Variants in RBPMS2 observed in about 807,000 individuals in gnomAD.
RBPMS2 encodes RNA binding protein, mRNA processing factor 2.
Under a neutral mutation model 25.7 loss-of-function variants are expected in RBPMS2, and 14 were observed. The observed-to-expected ratio is 0.55, with a 90% CI of 0.36 to 0.85. The LOEUF (loss-of-function observed/expected upper bound fraction) is 0.85. RBPMS2 is among the 40% of genes least tolerant of loss of function. The pLI, the probability that RBPMS2 is intolerant of heterozygous loss-of-function variation, is 0.01. For synonymous variants in RBPMS2, 127 were observed against 115.6 expected (o/e 1.10, Z -0.63); for missense variants, 252 against 283.4 (o/e 0.89, Z 0.80).
chr15:64,753,047 T>A (rs1044489481), intron 1 of RBPMS2, among the ~76,000 whole-genome samples: 1 of 152,162 alleles, frequency 6.6e-6, no homozygotes, highest in Non-Finnish European at 1.5e-5. Flanking sequence ...CAAGCCCTGA[T>A]CAGCCAAAAA....
intron 1 of RBPMS2, chr15:64,761,055 T>C (rs2083779980): frequency 6.6e-6 from 1 of 151,932 alleles, no homozygotes. Flanking sequence ...AAAAAGACTT[T>C]TGCAGCAACC....
In RBPMS2 at chr15:64,749,463, C is replaced by T; in HGVS notation, c.235G>A (p.Ala79Thr). The T allele has an allele frequency of 1.9e-6, 3 of 1,613,548 alleles. No individual in the cohort carries two copies. Among genetic ancestry groups the T allele is most frequent in the South Asian group, 1.1e-5 (1 of 91,042 alleles). The change falls in exon 4 of 8, where the codon GCA (alanine) becomes ACA (threonine). Residue 79 changes from alanine (A) to threonine (T), a missense_variant. Coordinates refer to ENST00000300069, the MANE Select transcript of RBPMS2 (RefSeq NM_194272.3). ...GCATTCTTGGCCGCTTCTGCTCCTG[C>T]ACGGCTGTCAAAGATCACAAAACCA... Reference protein sequence around the residue: ...PVGFVIFDSRAGAEAAKNALN... With the variant: ...PVGFVIFDSRTGAEAAKNALN...
intron 1 of RBPMS2, among the ~76,000 whole-genome samples, chr15:64,760,673 C>A (rs187618362): frequency 6.6e-6 from 1 of 151,932 alleles, no homozygotes; most frequent in African/African-American, 2.4e-5. Flanking sequence ...TGGTAGCGCA[C>A]GCCTGTAATC....
chr15:64,757,201 G>C (rs1205901825), intron 1 of RBPMS2, among the ~76,000 whole-genome samples: 1 of 151,462 alleles, frequency 6.6e-6, no homozygotes, highest in Non-Finnish European at 1.5e-5. Flanking sequence ...TGAACTCCTG[G>C]GCTCAGAGAA....
intron 6 of RBPMS2, among the ~76,000 whole-genome samples, chr15:64,744,558 CAA>C (rs35132500): frequency 4.0e-5 from 5 of 125,884 alleles, no homozygotes; most frequent in Non-Finnish European, 6.4e-5. Context: ...AACTCTGTCT[CAA>C]AAAAAAAAAA....
chr15:64,749,323 G>T, intron 4 of RBPMS2, 108 bp downstream of exon 4: 2 of 1,311,362 alleles, frequency 1.5e-6, no homozygotes, highest in Non-Finnish European at 1.1e-6. Flanking sequence ...GGCACAGACA[G>T]TGTCGCCAAG....
intron 1 of RBPMS2, among the ~76,000 whole-genome samples, chr15:64,764,115 G>A (rs1184246475): frequency 6.6e-6 from 1 of 152,212 alleles, no homozygotes; most frequent in Non-Finnish European, 1.5e-5. Flanking sequence ...CAGGGGCCAG[G>A]ACTTGGCTTT....
chr15:64,772,466 T>A (rs1454031715), intron 1 of RBPMS2, among the ~76,000 whole-genome samples: 1 of 151,842 alleles, frequency 6.6e-6, no homozygotes, highest in African/African-American at 2.4e-5. Context: ...TTCGAACACA[T>A]CTTCCCAAGT....
rs79574137 is a variant in RBPMS2 at position 64,770,796 on chromosome 15, G to A, written c.87+4437C>T. Among the ~76,000 whole-genome samples, 691 of 146,392 alleles carry A rather than the reference G, an allele frequency of 4.7e-3. 4 individuals are homozygous for A. The highest frequency in any genetic ancestry group is 7.6e-3 in the Non-Finnish European group (507 of 66,722). On this transcript the variant is annotated intron_variant, in intron 1 of 7. Transcript: ENST00000300069. ...CCCCACCTCCCACACCCCCCTCCCC[G>A]TTCCATCCACACAAGTCTAAGCACC...
At chr15:64,743,178 C>G (rs1408610118) in intron 6 of RBPMS2, among the ~76,000 whole-genome samples, 1 of 152,226 alleles carries the variant, frequency 6.6e-6, no homozygotes, top group East Asian at 1.9e-4. Context: ...CAGGGCCGGA[C>G]AAGGGGAGAA....
intron 1 of RBPMS2, among the ~76,000 whole-genome samples, chr15:64,770,795 C>T (rs779709512): frequency 1.3e-4 from 20 of 152,238 alleles, no homozygotes; most frequent in Middle Eastern, 6.8e-3. Context: ...CCCCCCTCCC[C>T]GTTCCATCCA....
At chr15:64,768,569 C>G (rs1467793689) in intron 1 of RBPMS2, among the ~76,000 whole-genome samples, 1 of 151,764 alleles carries the variant, frequency 6.6e-6, no homozygotes, top group African/African-American at 2.4e-5. Context: ...ACCCAAGAGG[C>G]AGAGATTGCA....
At chr15:64,759,985 G>A (rs565340532) in intron 1 of RBPMS2, among the ~76,000 whole-genome samples, 116 of 152,340 alleles carry the variant, frequency 7.6e-4, no homozygotes, top group African/African-American at 2.6e-3. Flanking sequence ...CTCGGCCTGT[G>A]TCTATCAGCT....
At chr15:64,751,958 CTTTTTTTTTTTCTT>C (rs1458895307) in intron 1 of RBPMS2, among the ~76,000 whole-genome samples, 1 of 144,068 alleles carries the variant, frequency 6.9e-6, no homozygotes, top group Non-Finnish European at 1.5e-5. Context: ...CCCAGCATGC[CTTTTTTTTTTTCTT>C]TTTTTTTTTT....
At position 64,758,540 on chromosome 15, in the gene RBPMS2, GA is replaced by G. The variant is rs143297298; in HGVS notation, c.88-6903del. On this transcript the variant is annotated intron_variant, in intron 1 of 7. Coordinates refer to ENST00000300069, the MANE Select transcript of RBPMS2 (RefSeq NM_194272.3). ...GTGGCCAGGGTTGTGTACCCATACAGAATACCACAGACATGGCTGTGTGGCT... is the reference window on the plus strand; with the variant it reads ...GTGGCCAGGGTTGTGTACCCATACAGATACCACAGACATGGCTGTGTGGCT... Among the ~76,000 whole-genome samples, 850 of 152,364 alleles carry G rather than the reference GA, an allele frequency of 5.6e-3. 12 individuals are homozygous for G. The highest frequency in any genetic ancestry group is 0.02 in the African/African-American group (817 of 41,580).
rs1334120756 is a variant in RBPMS2, at chr15:64,769,815, G to C, written c.87+5418C>G. On this transcript the variant is annotated intron_variant, in intron 1 of 7. Coordinates refer to ENST00000300069, the MANE Select transcript of RBPMS2 (RefSeq NM_194272.3). ...CATCTTGGGATGCCACCAGCCCAAA[G>C]GAAACTAGTCCGGAGTCAGCCTCTG... 4.6e-5 allele frequency among the ~76,000 whole-genome samples: 7 copies of C among 152,314 alleles called. No homozygotes were observed. The South Asian group carries it at 1.5e-3, about 32-fold the overall frequency.
At chr15:64,750,281 C>T in intron 3 of RBPMS2, 62 bp downstream of exon 3, 1 of 1,446,886 alleles carries the variant, frequency 6.9e-7, no homozygotes, top group Non-Finnish European at 9.7e-7. Context: ...TTAACGGGCC[C>T]TTGTTTGAAG....
At chr15:64,752,710 A>T (rs2083694521) in intron 1 of RBPMS2, among the ~76,000 whole-genome samples, 1 of 151,714 alleles carries the variant, frequency 6.6e-6, no homozygotes, top group African/African-American at 2.4e-5. Flanking sequence ...TCCCCGGTTC[A>T]AGCGATTCTC....
At chr15:64,756,772 C>G (rs1009779689) in intron 1 of RBPMS2, among the ~76,000 whole-genome samples, 1 of 149,162 alleles carries the variant, frequency 6.7e-6, no homozygotes, top group African/African-American at 2.5e-5. Context: ...TCCCAAGTAG[C>G]TGGAATTACA....
Sources: allele counts gnomAD v4.1 joint callset (sites outside exome capture counted in the v4.1 genomes callset), GRCh38; gene constraint gnomAD v4.1.1; transcripts MANE v1.5; gene names NCBI Gene and HGNC (gene_info 2026-07-23, HGNC 2026-07-21).